Variants in FAM98A observed in about 807,000 individuals in gnomAD.
FAM98A encodes the protein tRNA splicing ligase complex subunit 3A, also known as protein FAM98A.
Under a neutral mutation model 62.9 loss-of-function variants are expected in FAM98A, and 25 were observed. The ratio of observed to expected loss-of-function variants is 0.40; its 90% CI spans 0.29 to 0.56. The LOEUF (loss-of-function observed/expected upper bound fraction) is 0.56. Ranked by LOEUF, FAM98A falls within the 20% of genes least tolerant of loss-of-function variation. FAM98A has a pLI of 0.51. For synonymous variants in FAM98A, 252 were observed against 228.6 expected, an observed-to-expected ratio of 1.10 and a Z score of -0.92; for missense variants, 653 against 640.7, an observed-to-expected ratio of 1.02 and a Z score of -0.21.
intron 3 of FAM98A, 36 bp from the exon 4 acceptor site, chr2:33,588,555 C>T (rs754198111): frequency 1.3e-6 from 2 of 1,563,154 alleles, no homozygotes; most frequent in Non-Finnish European, 8.8e-7. Context: ...AAATGAGATA[C>T]AGCTATAGTT....
rs1009475453 is a variant in FAM98A at position 33,588,645 on chromosome 2, G to A, written c.338-126C>T. The A allele has an allele frequency of 6.7e-6, 4 of 600,232 alleles. No homozygotes were observed. The Admixed American group carries it at 1.1e-4, about 17-fold the overall frequency. The allele number at this position is 600,232 out of a possible 1,614,324, so 37.2% of individuals were successfully genotyped here. A position where few individuals can be genotyped will look rare whatever the true frequency, so the allele number is the denominator to read the frequency against. ...AAGCTGCAAGAATGGATAAAAACAA[G>A]AAAGAAAAACTACTTTTACCTGCAA... On this transcript the variant is annotated intron_variant, in intron 3 of 7. Transcript: ENST00000238823.
rs1283045413 is a variant in FAM98A at position 33,585,645 on chromosome 2, G to A, written c.773C>T (p.Ser258Phe). ...KVYQPKRSVL[S>F]PKTTISVAHL... ...GGCAACAGAAATAGTAGTTTTAGGGGATAAGACTGAACGTTTCGGCTGGTA... is the reference window on the plus strand; with the variant it reads ...GGCAACAGAAATAGTAGTTTTAGGGAATAAGACTGAACGTTTCGGCTGGTA... The change falls in exon 7 of 8, where the codon TCC becomes TTC. Residue 258 changes from serine to phenylalanine, a missense_variant. Transcript: ENST00000238823. 28 of 1,613,940 alleles carry A rather than the reference G, an allele frequency of 1.7e-5. No individual in the cohort carries two copies. The highest frequency in any genetic ancestry group is 2.4e-5 in the Non-Finnish European group (28 of 1,179,986).
chr2:33,596,982 T>C (rs1034855366), intron 1 of FAM98A, among the ~76,000 whole-genome samples: 5 of 151,706 alleles, frequency 3.3e-5, no homozygotes, highest in Middle Eastern at 3.5e-3. Flanking sequence ...AATATGATTA[T>C]AGGTTTATAC....
At chr2:33,587,892 A>T (rs1677592269) in intron 4 of FAM98A, among the ~76,000 whole-genome samples, 1 of 151,430 alleles carries the variant, frequency 6.6e-6, no homozygotes, top group Non-Finnish European at 1.5e-5. Flanking sequence ...TATTTTGTCA[A>T]TTGAAGCATG....
At chr2:33,599,116 C>T in intron 1 of FAM98A, 53 bp downstream of exon 1, 1 of 1,499,148 alleles carries the variant, frequency 6.7e-7, no homozygotes, top group Non-Finnish European at 9.3e-7. Context: ...AGGAGGTGTT[C>T]CCAGGGGGCC....
At chr2:33,585,733 T>C (rs375829869) in intron 6 of FAM98A, 36 bp from the exon 7 acceptor site, 71 of 1,575,568 alleles carry the variant, frequency 4.5e-5, no homozygotes, top group Non-Finnish European at 5.9e-5. Context: ...GAAATGTCAA[T>C]TTTCAAAATG....
chr2:33,592,161 T>C lies in FAM98A; in HGVS notation c.256A>G (p.Met86Val). The change falls in exon 3 of 8, where the codon ATG becomes GTG. Residue 86 changes from methionine (M) to valine (V), a missense_variant. Physicochemically the swap from Met to Val is conservative, Grantham distance 21. Coordinates refer to ENST00000238823, the MANE Select transcript of FAM98A (RefSeq NM_015475.5). ...GTCAGTGAAAGATACGGGCAGTTCA[T>C]CTCCCCTAGTAGCCCACTCACCTCA... ...QLEVSGLLGE[M>V]NCPYLSLTSG... 1.2e-6 allele frequency: 2 copies of C among 1,613,346 alleles called. No homozygotes were observed. The highest frequency in any genetic ancestry group is 1.7e-6 in the Non-Finnish European group (2 of 1,179,388).
chr2:33,588,069 T>G (rs1231467751), intron 4 of FAM98A: 3 of 420,870 alleles, frequency 7.1e-6, no homozygotes, highest in Non-Finnish European at 1.4e-5. Flanking sequence ...CTTTTTACAT[T>G]ATATCTAGCT....
chr2:33,587,464 AC>A, intron 4 of FAM98A, 144 bp from the exon 5 acceptor site: 1 of 662,540 alleles, frequency 1.5e-6, no homozygotes, highest in Non-Finnish European at 2.6e-6. Flanking sequence ...AATGTAAAAG[AC>A]CCACAAGATA....
Position 33,584,620 on chromosome 2 carries a change from T to A in FAM98A, c.*156A>T. 1.5e-6 allele frequency: 1 copy of A among 654,570 alleles called. No individual in the cohort carries two copies. Among genetic ancestry groups the A allele is most frequent in the East Asian group, 2.6e-5 (1 of 39,064 alleles). 40.5% of individuals were successfully genotyped at this position (654,570 alleles called of 1,614,324 possible). A position where few individuals can be genotyped will look rare whatever the true frequency, so the allele number is the denominator to read the frequency against. ...ATTATGTAAGTCCAATAAAAAAATC[T>A]AACAGAATTGAATGAAGACCTACAA... On this transcript the variant is annotated 3_prime_UTR_variant, in exon 8 of 8. Transcript: ENST00000238823.
At chr2:33,589,772 G>T (rs886518325) in intron 3 of FAM98A, 2 of 152,140 alleles carry the variant, frequency 1.3e-5, no homozygotes, top group African/African-American at 4.8e-5. Flanking sequence ...GGTTTCATTA[G>T]GACACTGCCA....
At position 33,594,656 on chromosome 2, in the gene FAM98A, CAT is replaced by C. The variant is rs1341979693; in HGVS notation, c.202+831_202+832del. ...ATATATACACATATATATATACACA[CAT>C]ATATATACACATATATATATACACA... On this transcript the variant is annotated intron_variant, in intron 2 of 7. Coordinates refer to ENST00000238823, the MANE Select transcript of FAM98A (RefSeq NM_015475.5). Among the ~76,000 whole-genome samples, 40 of 84,504 alleles carry C rather than the reference CAT, an allele frequency of 4.7e-4. 10 individuals are homozygous for C. The highest frequency in any genetic ancestry group is 3.2e-3 in the African/African-American group (38 of 11,802). 55.4% of individuals were successfully genotyped at this position (84,504 alleles called of 152,430 possible).
chr2:33,591,999 AC>A, intron 3 of FAM98A, 80 bp downstream of exon 3: 1 of 1,218,316 alleles, frequency 8.2e-7, no homozygotes, highest in Non-Finnish European at 1.1e-6. Context: ...AAATAAACAA[AC>A]AAAAAACCAT....
rs1677556598 is a variant in FAM98A, at chr2:33,586,474, T to G, written c.720+88A>C. The G allele has an allele frequency of 3.6e-6, 3 of 831,298 alleles. No individual in the cohort carries two copies. The Admixed American group carries it at 5.7e-5, about 16-fold the overall frequency. 51.5% of individuals were successfully genotyped at this position (831,298 alleles called of 1,614,324 possible). A position where few individuals can be genotyped will look rare whatever the true frequency, so the allele number is the denominator to read the frequency against. On this transcript the variant is annotated intron_variant, in intron 6 of 7. Coordinates refer to ENST00000238823, the MANE Select transcript of FAM98A (RefSeq NM_015475.5). ...CCTATGTGTGTCTTCTATGTACTTCTCCCATAGTTGCCAAGTAGCTAAATT... is the reference window on the plus strand; with the variant it reads ...CCTATGTGTGTCTTCTATGTACTTCGCCCATAGTTGCCAAGTAGCTAAATT...
intron 1 of FAM98A, among the ~76,000 whole-genome samples, chr2:33,596,881 G>A (rs1408426418): frequency 6.5e-5 from 7 of 107,214 alleles, no homozygotes; most frequent in African/African-American, 2.4e-4. Flanking sequence ...GACAGAGCAA[G>A]ACTCCGTATC....
At chr2:33,594,360 A>G (rs1677740969) in intron 2 of FAM98A, among the ~76,000 whole-genome samples, 1 of 151,778 alleles carries the variant, frequency 6.6e-6, no homozygotes, top group Non-Finnish European at 1.5e-5. Context: ...GAGTTAAAAA[A>G]TGAGAACACA....
At chr2:33,591,265 TA>T (rs926048320) in intron 3 of FAM98A, among the ~76,000 whole-genome samples, 50 of 152,154 alleles carry the variant, frequency 3.3e-4, no homozygotes, top group African/African-American at 1.2e-3. Context: ...AATAGAGTTG[TA>T]AAAACAAAGA....
Position 33,594,654 on chromosome 2 carries a change from CACAT to C in FAM98A, c.202+831_202+834del, listed in dbSNP as rs1461806509. On this transcript the variant is annotated intron_variant, in intron 2 of 7. Transcript: ENST00000238823. ...ATATATATACACATATATATATACA[CACAT>C]ATATATACACATATATATATACACA... is the stretch of plus-strand genomic sequence containing the variant. Among the ~76,000 whole-genome samples, 19 of 97,374 alleles carry C rather than the reference CACAT, an allele frequency of 2.0e-4. 3 individuals are homozygous for C. The highest frequency in any genetic ancestry group is 1.9e-5 in the Non-Finnish European group (1 of 52,360). The allele number at this position is 97,374 out of a possible 152,430, so 63.9% of individuals were successfully genotyped here.
chr2:33,597,245 G>C (rs2151148142), intron 1 of FAM98A, among the ~76,000 whole-genome samples: 1 of 152,228 alleles, frequency 6.6e-6, no homozygotes, highest in African/African-American at 2.4e-5. Context: ...TGTAGTCCCA[G>C]CTACTCCGGA....
Sources: gnomAD v4.1 joint callset for allele counts (sites outside exome capture counted in the v4.1 genomes callset) on GRCh38, gnomAD v4.1.1 for gene constraint, MANE v1.5 for transcripts, NCBI Gene and HGNC (gene_info 2026-07-23, HGNC 2026-07-21) for gene names.